COL28A1: variants seen among roughly 807,000 people sequenced by gnomAD.
COL28A1 encodes the protein collagen alpha-1(XXVIII) chain.
A neutral mutation model predicts 150.2 loss-of-function variants in COL28A1; 161 were observed. The observed-to-expected ratio is 1.07, with a 90% CI of 0.94 to 1.22. COL28A1 has a LOEUF of 1.22. Ranked by LOEUF, COL28A1 falls within the 50% of genes most tolerant of loss-of-function variation. The pLI, the probability that COL28A1 is intolerant of heterozygous loss-of-function variation, is 0.00. For missense variants in COL28A1, 1,617 were observed against 1,388.3 expected (o/e 1.16, Z -2.62); for synonymous variants, 552 against 469.7 (o/e 1.18, Z -2.26).
At chr7:7,429,687 C>A (rs192173946) in intron 25 of COL28A1, among the ~76,000 whole-genome samples, 29 of 152,296 alleles carry the variant, frequency 1.9e-4, no homozygotes, top group Non-Finnish European at 3.8e-4. Context: ...CCTAACATCT[C>A]CTTCCAGGGC....
intron 27 of COL28A1, among the ~76,000 whole-genome samples, chr7:7,385,562 C>CCAGTAGCTAATA (rs143502138): frequency 0.018 from 2,788 of 152,240 alleles, 80 homozygotes; most frequent in African/African-American, 0.063. Context: ...TCAGATTCCT[C>CCAGTAGCTAATA]CAGAAGATGT....
chr7:7,372,195 C>T (rs1222649509), intron 32 of COL28A1, among the ~76,000 whole-genome samples: 1 of 151,730 alleles, frequency 6.6e-6, no homozygotes, highest in Non-Finnish European at 1.5e-5. Context: ...GTCAGGAGAT[C>T]GAAACCATCC....
chr7:7,384,200 G>A (rs975961480), intron 27 of COL28A1, among the ~76,000 whole-genome samples: 1 of 152,130 alleles, frequency 6.6e-6, no homozygotes, highest in Non-Finnish European at 1.5e-5. Context: ...GGTATCTCTT[G>A]AGCCAAACCC....
intron 27 of COL28A1, among the ~76,000 whole-genome samples, chr7:7,398,168 G>A (rs1782955555): frequency 6.6e-6 from 1 of 152,192 alleles, no homozygotes; most frequent in Non-Finnish European, 1.5e-5. Flanking sequence ...CTAGGAGGAA[G>A]CAGATACTCC....
At chr7:7,396,260 T>G (rs1487501047) in intron 27 of COL28A1, among the ~76,000 whole-genome samples, 1 of 152,208 alleles carries the variant, frequency 6.6e-6, no homozygotes, top group Admixed American at 6.5e-5. Flanking sequence ...AACTGCCATT[T>G]ATTGTGTGCC....
chr7:7,433,581 A>T (rs1350640476), intron 23 of COL28A1, among the ~76,000 whole-genome samples: 1 of 151,542 alleles, frequency 6.6e-6, no homozygotes, highest in Non-Finnish European at 1.5e-5. Context: ...CTGCAGTGAG[A>T]AGAGATCACA....
chr7:7,520,445 G>A (rs555744428), intron 5 of COL28A1, among the ~76,000 whole-genome samples: 8 of 152,334 alleles, frequency 5.3e-5, no homozygotes, highest in Admixed American at 2.6e-4. Flanking sequence ...CAGGCAGAAG[G>A]ATAGGAGTTG....
intron 32 of COL28A1, among the ~76,000 whole-genome samples, chr7:7,372,017 G>C (rs1002086403): frequency 1.3e-5 from 2 of 151,778 alleles, no homozygotes; most frequent in Non-Finnish European, 2.9e-5. Flanking sequence ...ATTTTTAGTA[G>C]AGACGAGGTT....
At chr7:7,364,772 T>C (rs1429317001) in intron 33 of COL28A1, among the ~76,000 whole-genome samples, 2 of 152,224 alleles carry the variant, frequency 1.3e-5, no homozygotes, top group Non-Finnish European at 2.9e-5. Flanking sequence ...GTTTCCTATA[T>C]ATAAATACCA....
chr7:7,381,873 T>C (rs1781893145), intron 27 of COL28A1, among the ~76,000 whole-genome samples: 1 of 152,192 alleles, frequency 6.6e-6, no homozygotes, highest in Non-Finnish European at 1.5e-5. Flanking sequence ...ATTTCTGTGG[T>C]GTAAATACTT....
intron 27 of COL28A1, among the ~76,000 whole-genome samples, chr7:7,395,305 A>C (rs1365625675): frequency 6.6e-6 from 1 of 152,004 alleles, no homozygotes; most frequent in Non-Finnish European, 1.5e-5. Flanking sequence ...AAAAAACACA[A>C]ACAAACCAGC....
At position 7,532,754 on chromosome 7, in the gene COL28A1, TGGACA is replaced by T; in HGVS notation, c.117_121del (p.Asp39GlufsTer17). The T allele has an allele frequency of 6.2e-7, 1 of 1,601,714 alleles. No homozygotes were observed. The highest frequency in any genetic ancestry group is 1.3e-5 in the African/African-American group (1 of 74,152). On this transcript the variant is annotated frameshift_variant, in exon 2 of 35. Transcript: ENST00000399429. LOFTEE classifies it high-confidence loss of function. ...ACAAACAATTTTTTTTTTTTTACCC[TGGACA>T]TCACTTTTCCTTGCAAGCAAATTTG...
At chr7:7,432,073 T>A (rs1306550198) in intron 25 of COL28A1, among the ~76,000 whole-genome samples, 1 of 152,158 alleles carries the variant, frequency 6.6e-6, no homozygotes, top group East Asian at 1.9e-4. Context: ...GGTAGGAAAT[T>A]AGATACATGA....
intron 27 of COL28A1, among the ~76,000 whole-genome samples, chr7:7,414,593 C>T (rs1232176858): frequency 6.6e-6 from 1 of 152,160 alleles, no homozygotes; most frequent in Non-Finnish European, 1.5e-5. Context: ...GGTCCCAGAG[C>T]CCCAGGAAAG....
intron 20 of COL28A1, among the ~76,000 whole-genome samples, chr7:7,441,760 C>A (rs1401662828): frequency 1.3e-5 from 2 of 151,974 alleles, no homozygotes; most frequent in African/African-American, 2.4e-5. Context: ...GTTCAGGGAC[C>A]ACACTTTGAG....
At chr7:7,512,150 T>C (rs1332157981) in intron 8 of COL28A1, among the ~76,000 whole-genome samples, 1 of 152,182 alleles carries the variant, frequency 6.6e-6, no homozygotes. Flanking sequence ...CACTTATATG[T>C]GAGATCTAAA....
the COL28A1 span, among the ~76,000 whole-genome samples, chr7:7,543,081 T>C: frequency 6.6e-6 from 1 of 152,196 alleles, no homozygotes; most frequent in Admixed American, 6.5e-5. Flanking sequence ...TATAAAATTT[T>C]CAAATAATAA....
rs1782393330 is a variant in COL28A1 at position 7,532,003 on chromosome 7, T to C, written c.125-99A>G. 5.8e-6 allele frequency: 4 copies of C among 686,352 alleles called. No individual in the cohort carries two copies. In the East Asian group the frequency reaches 1.1e-4, roughly 18 times the overall value. 42.5% of individuals were successfully genotyped at this position (686,352 alleles called of 1,614,324 possible). A position where few individuals can be genotyped will look rare whatever the true frequency, so the allele number is the denominator to read the frequency against. On this transcript the variant is annotated intron_variant, in intron 2 of 34. Coordinates refer to ENST00000399429, the MANE Select transcript of COL28A1 (RefSeq NM_001037763.3). ...AAGTGGTGTGTTGTATATTGTTTGGTGTTGAGAGCAGCGTGAGGAGAGAAA... is the reference window on the plus strand; with the variant it reads ...AAGTGGTGTGTTGTATATTGTTTGGCGTTGAGAGCAGCGTGAGGAGAGAAA...
intron 8 of COL28A1, chr7:7,511,764 T>A (rs1781151410): frequency 2.1e-6 from 1 of 471,024 alleles, no homozygotes; most frequent in East Asian, 6.9e-5. Flanking sequence ...AGGACTGCTG[T>A]AGGAGAGCCG....
Sources: gnomAD v4.1 joint callset for allele counts (sites outside exome capture counted in the v4.1 genomes callset) on GRCh38, gnomAD v4.1.1 for gene constraint, MANE v1.5 for transcripts, NCBI Gene and HGNC (gene_info 2026-07-23, HGNC 2026-07-21) for gene names.